Variants in SORCS1 observed in about 807,000 individuals in gnomAD.
SORCS1 encodes the protein VPS10 domain-containing receptor SorCS1.
A neutral mutation model predicts 146.1 loss-of-function variants in SORCS1; 60 were observed. The ratio of observed to expected loss-of-function variants is 0.41; its 90% CI spans 0.33 to 0.51. The LOEUF (loss-of-function observed/expected upper bound fraction) is 0.51, where lower values mean the gene tolerates loss of function less well. Ranked by LOEUF, SORCS1 falls within the 20% of genes least tolerant of loss-of-function variation. SORCS1 has a pLI of 0.21. For synonymous variants in SORCS1, 637 were observed against 584.0 expected (o/e 1.09, Z -1.31); for missense variants, 1,352 against 1,487.6 (o/e 0.91, Z 1.50).
At chr10:106,776,779 A>T in intron 3 of SORCS1, 87 bp from the exon 4 acceptor site, 3 of 1,415,634 alleles carry the variant, frequency 2.1e-6, no homozygotes, top group Non-Finnish European at 2.9e-6. Context: ...ATTTTTGACA[A>T]GGGAAGGACA....
At chr10:107,134,846 T>C (rs1967147615) in intron 1 of SORCS1, among the ~76,000 whole-genome samples, 1 of 152,194 alleles carries the variant, frequency 6.6e-6, no homozygotes, top group African/African-American at 2.4e-5. Context: ...GTTGCTCAGA[T>C]GATGTCCTGG....
At position 106,985,055 on chromosome 10, in the gene SORCS1, T is replaced by C. The variant is rs181380449; in HGVS notation, c.559-28475A>G. Among the ~76,000 whole-genome samples the C allele has an allele frequency of 3.2e-3, 484 of 152,110 alleles. 13 individuals carry two copies. The highest frequency in any genetic ancestry group is 0.028 in the Admixed American group (434 of 15,288). On this transcript the variant is annotated intron_variant, in intron 1 of 25. Transcript: ENST00000263054. ...TTACAAAATCAGCTGGGCATGGTGG[T>C]GCACACCTGTAATCCCAGCTACTCA...
Position 106,776,652 on chromosome 10 carries a change from A to G in SORCS1, c.767T>C (p.Leu256Ser). Residue 256 changes from leucine (L) to serine (S), a missense_variant, in exon 4 of 26, where the codon TTG becomes TCG. By Grantham distance (145) the Leu-to-Ser change is moderately radical. Around this residue, in one of 3 missense-constraint regions of SORCS1, gnomAD observed 490 missense variants for 489.1 expected, o/e 1.00. Coordinates refer to ENST00000263054, the MANE Select transcript of SORCS1 (RefSeq NM_052918.5). ...AGTTGCCCCTTCATCTGAGCTGATC[A>G]ATAAACTGCTCTCAATCTCCGGGTC... ...LTDPEIESSL[L>S]ISSDEGATYQ... The G allele has an allele frequency of 6.2e-7, 1 of 1,614,048 alleles. No homozygotes were observed.
chr10:107,096,315 T>C lies in SORCS1; in HGVS notation c.558+67654A>G, dbSNP rs142062026. 1.3e-3 allele frequency among the ~76,000 whole-genome samples: 192 copies of C among 152,332 alleles called. 2 individuals carry two copies. The highest frequency in any genetic ancestry group is 4.4e-3 in the African/African-American group (185 of 41,578). On this transcript the variant is annotated intron_variant, in intron 1 of 25. Transcript: ENST00000263054. ...AAGGTAAAAGGGACTGGCTATGAGG[T>C]AGACAGATCACTAGGTTTGAAATCA...
At chr10:106,619,585 A>G (rs2133483418) in intron 20 of SORCS1, among the ~76,000 whole-genome samples, 1 of 152,288 alleles carries the variant, frequency 6.6e-6, no homozygotes, top group South Asian at 2.1e-4. Context: ...TACATTTGGA[A>G]GCACTTTAAT....
chr10:106,990,301 G>T (rs7068181), intron 1 of SORCS1, among the ~76,000 whole-genome samples: 7,473 of 152,150 alleles, frequency 0.049, 559 homozygotes, highest in African/African-American at 0.16. Flanking sequence ...AGATGGAGTT[G>T]CTCTGTTGCC....
At chr10:107,105,275 G>GT (rs1332222281) in intron 1 of SORCS1, among the ~76,000 whole-genome samples, 13 of 152,196 alleles carry the variant, frequency 8.5e-5, no homozygotes, top group Non-Finnish European at 4.4e-5. Flanking sequence ...TGAAAGGCAA[G>GT]TAGAAGTCAG....
chr10:106,615,706 T>A (rs1215711858), intron 21 of SORCS1, among the ~76,000 whole-genome samples: 1 of 152,154 alleles, frequency 6.6e-6, no homozygotes, highest in Non-Finnish European at 1.5e-5. Context: ...AAATTAAGGG[T>A]GGCCGATGGT....
chr10:107,096,479 A>G (rs998463842), intron 1 of SORCS1, among the ~76,000 whole-genome samples: 1 of 152,204 alleles, frequency 6.6e-6, no homozygotes, highest in Non-Finnish European at 1.5e-5. Flanking sequence ...ATATGCCCTT[A>G]GTAAAGCTTT....
chr10:106,863,227 G>A (rs57166234), intron 2 of SORCS1, among the ~76,000 whole-genome samples: 4,926 of 152,082 alleles, frequency 0.032, 242 homozygotes, highest in African/African-American at 0.11. Context: ...AATATTATAT[G>A]AAATGCTTAC....
chr10:106,851,227 C>A (rs1178577258), intron 2 of SORCS1, among the ~76,000 whole-genome samples: 3 of 151,930 alleles, frequency 2.0e-5, no homozygotes, highest in Admixed American at 2.0e-4. Context: ...CCATTTTTTT[C>A]ATAGATTGTG....
chr10:106,716,819 TG>T (rs1271344354), intron 6 of SORCS1, among the ~76,000 whole-genome samples: 1 of 152,162 alleles, frequency 6.6e-6, no homozygotes, highest in African/African-American at 2.4e-5. Flanking sequence ...GTGGATCACA[TG>T]TTTTTTTCTC....
At chr10:106,943,035 C>T (rs955023952) in intron 2 of SORCS1, among the ~76,000 whole-genome samples, 2 of 152,164 alleles carry the variant, frequency 1.3e-5, no homozygotes, top group African/African-American at 4.8e-5. Context: ...TCCCTGACTG[C>T]TCATCCACTA....
intron 1 of SORCS1, among the ~76,000 whole-genome samples, chr10:107,136,952 C>T (rs1193629046): frequency 6.6e-6 from 1 of 152,204 alleles, no homozygotes; most frequent in African/African-American, 2.4e-5. Flanking sequence ...ACTCTATCTT[C>T]TACAGATGTA....
rs12244434 is a variant in SORCS1 at position 107,146,772 on chromosome 10, T to C, written c.558+17197A>G. On this transcript the variant is annotated intron_variant, in intron 1 of 25. Coordinates refer to ENST00000263054, the MANE Select transcript of SORCS1 (RefSeq NM_052918.5). ...ACAACTCCCAATTCTACCATCTGCT[T>C]TCTATGTGACCTTGGGTGAGTTACT... Among the ~76,000 whole-genome samples the C allele has an allele frequency of 3.7e-3, 568 of 152,214 alleles. 7 individuals carry two copies. The highest frequency in any genetic ancestry group is 0.013 in the African/African-American group (549 of 41,540).
intron 1 of SORCS1, among the ~76,000 whole-genome samples, chr10:106,987,470 T>TTC (rs1369659747): frequency 2.0e-5 from 3 of 152,230 alleles, no homozygotes; most frequent in Non-Finnish European, 4.4e-5. Flanking sequence ...TTCTTGGGAC[T>TTC]TCTCCACAAT....
chr10:106,732,166 A>G (rs1589759530), intron 5 of SORCS1, among the ~76,000 whole-genome samples: 2 of 152,340 alleles, frequency 1.3e-5, no homozygotes, highest in Non-Finnish European at 2.9e-5. Flanking sequence ...TGCAATTCAG[A>G]GCCTATGCTT....
At chr10:106,794,079 A>C (rs1014178372) in intron 3 of SORCS1, among the ~76,000 whole-genome samples, 1 of 152,220 alleles carries the variant, frequency 6.6e-6, no homozygotes, top group Non-Finnish European at 1.5e-5. Flanking sequence ...CATAGTCCAC[A>C]GACTGACTCT....
At chr10:107,147,403 C>T (rs1203706227) in intron 1 of SORCS1, among the ~76,000 whole-genome samples, 1 of 152,138 alleles carries the variant, frequency 6.6e-6, no homozygotes, top group Non-Finnish European at 1.5e-5. Flanking sequence ...ACTGGAGCAG[C>T]ATGCTTTATC....
Sources: allele counts gnomAD v4.1 joint callset (sites outside exome capture counted in the v4.1 genomes callset), GRCh38; gene constraint gnomAD v4.1.1; regional missense constraint gnomAD v4.1.1; transcripts MANE v1.5; gene names NCBI Gene and HGNC (gene_info 2026-07-23, HGNC 2026-07-21).